Variants in ARHGEF12 observed in about 807,000 individuals in gnomAD.
ARHGEF12 encodes KMT2A/ARHGEF12 fusion protein.
In ARHGEF12, 66 loss-of-function variants were observed where a neutral mutation model predicts 211.2. The observed-to-expected ratio is 0.31, with a 90% CI of 0.26 to 0.38. The LOEUF is 0.38. Among genes scored for constraint, ARHGEF12 ranks in the 10% least tolerant of loss-of-function variants. The pLI, the probability that ARHGEF12 is intolerant of heterozygous loss-of-function variation, is 1.00. For synonymous variants in ARHGEF12, 592 were observed against 638.4 expected, an observed-to-expected ratio of 0.93 and a Z score of 1.09; for missense variants, 1,429 against 1,869.5, an observed-to-expected ratio of 0.76 and a Z score of 4.34.
chr11:120,383,658 T>C (rs1591525958), intron 1 of ARHGEF12, among the ~76,000 whole-genome samples: 1 of 152,066 alleles, frequency 6.6e-6, no homozygotes, highest in East Asian at 1.9e-4. Flanking sequence ...CTGACAGAAG[T>C]GGGGCTCAGG....
chr11:120,482,734 G>C (rs1947285370), intron 39 of ARHGEF12, among the ~76,000 whole-genome samples: 2 of 140,226 alleles, frequency 1.4e-5, no homozygotes, highest in Non-Finnish European at 3.1e-5. Flanking sequence ...GACAGAGCGA[G>C]ACTCTGTCTC....
At chr11:120,432,175 G>A (rs1414045609) in intron 11 of ARHGEF12, among the ~76,000 whole-genome samples, 1 of 152,154 alleles carries the variant, frequency 6.6e-6, no homozygotes, top group Non-Finnish European at 1.5e-5. Context: ...TTGTTCGTGG[G>A]TAGAGAAGTT....
At chr11:120,429,404 TG>T in intron 8 of ARHGEF12, 35 bp from the exon 9 acceptor site, 1 of 1,547,540 alleles carries the variant, frequency 6.5e-7, no homozygotes, top group South Asian at 1.1e-5. Flanking sequence ...TTGTCTATAC[TG>T]GTTGTTGTTT....
intron 1 of ARHGEF12, among the ~76,000 whole-genome samples, chr11:120,380,813 GT>G (rs1387470741): frequency 6.6e-6 from 1 of 152,100 alleles, no homozygotes; most frequent in African/African-American, 2.4e-5. Context: ...ACATTTATCT[GT>G]TTATTCAGTC....
chr11:120,421,260 A>T (rs1945176785), intron 5 of ARHGEF12, among the ~76,000 whole-genome samples: 1 of 152,102 alleles, frequency 6.6e-6, no homozygotes, highest in Admixed American at 6.5e-5. Context: ...CATATATTGA[A>T]TACTTCCTTT....
chr11:120,463,536 AAAAAAAAAAACC>A (rs968685259), intron 27 of ARHGEF12: 3 of 152,464 alleles, frequency 2.0e-5, no homozygotes, highest in African/African-American at 7.3e-5. Context: ...AAAAAAAAAA[AAAAAAAAAAACC>A]AAAAAAAACT....
chr11:120,339,179 T>G lies in ARHGEF12; in HGVS notation c.32+1904T>G, dbSNP rs149384355. Reference sequence around the variant, plus strand: ...AAAGAAAAGACCTTGGAAAGCCAATTAATAAGCACTGCTGAGACCTGTTTC... The same window carrying G: ...AAAGAAAAGACCTTGGAAAGCCAATGAATAAGCACTGCTGAGACCTGTTTC... On this transcript the variant is annotated intron_variant, in intron 1 of 40. Coordinates refer to ENST00000397843, the MANE Select transcript of ARHGEF12 (RefSeq NM_015313.3). Among the ~76,000 whole-genome samples, 60 of 152,124 alleles carry G rather than the reference T, an allele frequency of 3.9e-4. 1 individual carries two copies. Among genetic ancestry groups the G allele is most frequent in the African/African-American group, 1.4e-3 (57 of 41,536 alleles).
At chr11:120,425,695 A>C (rs1332559717) in intron 7 of ARHGEF12, among the ~76,000 whole-genome samples, 1 of 151,940 alleles carries the variant, frequency 6.6e-6, no homozygotes, top group East Asian at 1.9e-4. Flanking sequence ...CACCACCTAA[A>C]ATATAACTTC....
intron 37 of ARHGEF12, among the ~76,000 whole-genome samples, chr11:120,478,994 C>A (rs1017820684): frequency 6.6e-6 from 1 of 152,142 alleles, no homozygotes; most frequent in African/African-American, 2.4e-5. Flanking sequence ...CCACTGCTTC[C>A]CCCACCTCCT....
At chr11:120,475,276 TA>T in intron 32 of ARHGEF12, 63 bp from the exon 33 acceptor site, 1 of 1,459,666 alleles carries the variant, frequency 6.9e-7, no homozygotes, top group Non-Finnish European at 9.5e-7. Flanking sequence ...TGAATCATTA[TA>T]AAGTTAATCA....
chr11:120,363,694 G>T (rs146862343), intron 1 of ARHGEF12, among the ~76,000 whole-genome samples: 4 of 152,230 alleles, frequency 2.6e-5, no homozygotes, highest in Non-Finnish European at 5.9e-5. Flanking sequence ...TCACTTCTTG[G>T]CCTTTGTCTA....
chr11:120,473,140 C>A lies in ARHGEF12; in HGVS notation c.3033+13C>A. 1 of 1,608,986 alleles carries A rather than the reference C, an allele frequency of 6.2e-7. No individual in the cohort carries two copies. Among genetic ancestry groups the A allele is most frequent in the South Asian group, 1.1e-5 (1 of 90,766 alleles). ...TGAAGAGCTCAGGGTGAGAGATGGT[C>A]TAATCATAATTTAAAAAATAAAATA... On this transcript the variant is annotated intron_variant, in intron 31 of 40. Transcript: ENST00000397843.
Position 120,448,172 on chromosome 11 carries a change from T to G in ARHGEF12, c.1623-62T>G, listed in dbSNP as rs1173794652. ...TTGGGGTTTTGGAAATCATTTGATG[T>G]CTTTATTCTACCAACCCTCCCTTCT... On this transcript the variant is annotated intron_variant, in intron 19 of 40. Transcript: ENST00000397843. 4.8e-6 allele frequency: 6 copies of G among 1,237,874 alleles called. No individual in the cohort carries two copies. The African/African-American group carries it at 7.6e-5, about 16-fold the overall frequency. The allele number at this position is 1,237,874 out of a possible 1,614,324, so 76.7% of individuals were successfully genotyped here.
At chr11:120,384,200 C>T (rs1943962420) in intron 1 of ARHGEF12, among the ~76,000 whole-genome samples, 1 of 152,154 alleles carries the variant, frequency 6.6e-6, no homozygotes, top group African/African-American at 2.4e-5. Context: ...AAGGCGACTG[C>T]CTTTGCCAAG....
At chr11:120,401,746 A>G (rs1944552868) in intron 1 of ARHGEF12, among the ~76,000 whole-genome samples, 1 of 152,216 alleles carries the variant, frequency 6.6e-6, no homozygotes, top group Non-Finnish European at 1.5e-5. Flanking sequence ...TTACAGTGTA[A>G]CGTCTGAGAA....
At chr11:120,439,653 C>G (rs1463940618) in intron 12 of ARHGEF12, 1 of 152,422 alleles carries the variant, frequency 6.6e-6, no homozygotes, top group African/African-American at 2.4e-5. Flanking sequence ...GTATATTAGC[C>G]TCTCTGCTAA....
chr11:120,474,470 G>A (rs1047758533), intron 31 of ARHGEF12, 90 bp from the exon 32 acceptor site: 7 of 803,660 alleles, frequency 8.7e-6, no homozygotes, highest in Middle Eastern at 3.7e-4. Flanking sequence ...TTTATATTAA[G>A]AATTTCTTTA....
Position 120,344,553 on chromosome 11 carries a change from T to A in ARHGEF12, c.32+7278T>A, listed in dbSNP as rs10466597. ...ACTGAGAGGAAGTGGTTCTTGTGGG[T>A]GAAGGTCTGATCTTTTCAGAGATTG... On this transcript the variant is annotated intron_variant, in intron 1 of 40. Coordinates refer to ENST00000397843, the MANE Select transcript of ARHGEF12 (RefSeq NM_015313.3). 6.1e-3 allele frequency among the ~76,000 whole-genome samples: 924 copies of A among 152,344 alleles called. 9 individuals carry two copies. Among genetic ancestry groups the A allele is most frequent in the African/African-American group, 0.022 (901 of 41,576 alleles).
intron 4 of ARHGEF12, among the ~76,000 whole-genome samples, chr11:120,415,605 G>A (rs576747295): frequency 6.6e-6 from 1 of 152,240 alleles, no homozygotes; most frequent in African/African-American, 2.4e-5. Context: ...TCAACAAATA[G>A]AATATTTCTC....
Sources: allele counts gnomAD v4.1 joint callset (sites outside exome capture counted in the v4.1 genomes callset), GRCh38; gene constraint gnomAD v4.1.1; transcripts MANE v1.5; gene names NCBI Gene and HGNC (gene_info 2026-07-23, HGNC 2026-07-21).